RTN1: variants seen among roughly 807,000 people sequenced by gnomAD.
RTN1 encodes reticulon-1.
RTN1 carries 25 observed loss-of-function variants against 65.5 expected under a neutral mutation model. That is an observed-to-expected ratio of 0.38 (90% confidence interval 0.28 to 0.53). The LOEUF (loss-of-function observed/expected upper bound fraction) is 0.53. Among genes scored for constraint, RTN1 ranks in the 20% least tolerant of loss-of-function variants. The probability of loss-of-function intolerance (pLI) is 0.79; values close to 1 mark genes in which losing one functional copy is unlikely to be tolerated. For missense variants in RTN1, 983 were observed against 1,025.4 expected (o/e 0.96, Z 0.57); for synonymous variants, 471 against 447.6 (o/e 1.05, Z -0.66).
rs533448043 is a variant in RTN1 at position 59,658,641 on chromosome 14, G to A, written c.1766-51149C>T. On this transcript the variant is annotated intron_variant, in intron 3 of 8. Transcript: ENST00000267484. ...AAATTCCAGCAGACTTGCAGCAGAG[G>A]GGCCTGTTAGAAGGGAAGCTAACAA... Among the ~76,000 whole-genome samples, 10 of 152,282 alleles carry A rather than the reference G, an allele frequency of 6.6e-5. No individual in the cohort carries two copies. In the East Asian group the frequency reaches 1.4e-3, roughly 21 times the overall value.
intron 3 of RTN1, among the ~76,000 whole-genome samples, chr14:59,724,319 A>G (rs138833380): frequency 1.1e-3 from 175 of 152,336 alleles, no homozygotes; most frequent in African/African-American, 4.0e-3. Context: ...ACATGCAATG[A>G]TGCCATCAAA....
chr14:59,629,351 C>A (rs1566665975), intron 3 of RTN1, among the ~76,000 whole-genome samples: 1 of 152,080 alleles, frequency 6.6e-6, no homozygotes, highest in Non-Finnish European at 1.5e-5. Context: ...CGAAGCAAAA[C>A]CCTACAGAGG....
intron 2 of RTN1, among the ~76,000 whole-genome samples, chr14:59,728,182 GC>G (rs1884821113): frequency 2.0e-5 from 3 of 151,116 alleles, no homozygotes; most frequent in Admixed American, 1.3e-4. Context: ...GCAAGACAAA[GC>G]AGGTAGTTTT....
chr14:59,673,493 A>T (rs530087175), intron 3 of RTN1, among the ~76,000 whole-genome samples: 1 of 152,332 alleles, frequency 6.6e-6, no homozygotes, highest in Admixed American at 6.5e-5. Context: ...AAAGAATTTT[A>T]TTTAGCAACA....
chr14:59,651,703 A>G (rs933641451), intron 3 of RTN1, among the ~76,000 whole-genome samples: 2 of 151,984 alleles, frequency 1.3e-5, no homozygotes, highest in Admixed American at 6.6e-5. Context: ...GCACCACTGT[A>G]CTCCAGCCTG....
chr14:59,820,267 GCTT>G (rs907380055), intron 1 of RTN1, among the ~76,000 whole-genome samples: 1 of 148,266 alleles, frequency 6.7e-6, no homozygotes, highest in African/African-American at 2.5e-5. Flanking sequence ...ATTTGTTTAT[GCTT>G]CTTAGAGATT....
intron 1 of RTN1, among the ~76,000 whole-genome samples, chr14:59,820,040 C>T (rs1430187679): frequency 2.0e-5 from 3 of 152,352 alleles, no homozygotes; most frequent in Non-Finnish European, 2.9e-5. Context: ...CCAGAGTGGA[C>T]GCCAAGGCCG....
chr14:59,676,761 T>C (rs1883636614), intron 3 of RTN1, among the ~76,000 whole-genome samples: 3 of 152,196 alleles, frequency 2.0e-5, no homozygotes, highest in Admixed American at 1.3e-4. Context: ...GATGAAGCCC[T>C]AGCATATGCA....
chr14:59,673,720 G>A (rs1883561087), intron 3 of RTN1, among the ~76,000 whole-genome samples: 6 of 152,214 alleles, frequency 3.9e-5, no homozygotes, highest in Admixed American at 3.9e-4. Context: ...GGGTAAGATG[G>A]GCACAGAGGT....
intron 3 of RTN1, among the ~76,000 whole-genome samples, chr14:59,648,960 T>G (rs1284476078): frequency 6.6e-6 from 1 of 152,124 alleles, no homozygotes; most frequent in Non-Finnish European, 1.5e-5. Context: ...GAGAAAGAAA[T>G]AAATGGCATT....
chr14:59,805,149 A>G (rs1886615069), intron 1 of RTN1, among the ~76,000 whole-genome samples: 1 of 152,172 alleles, frequency 6.6e-6, no homozygotes, highest in African/African-American at 2.4e-5. Flanking sequence ...GTCTCTCTTC[A>G]AAAGCTCCTT....
rs79199528 is a variant in RTN1, at chr14:59,867,457, T to C, written c.241+2933A>G. 9.8e-5 allele frequency among the ~76,000 whole-genome samples: 15 copies of C among 152,326 alleles called. No individual in the cohort carries two copies. The East Asian group carries it at 2.1e-3, about 22-fold the overall frequency. On this transcript the variant is annotated intron_variant, in intron 1 of 8. Coordinates refer to ENST00000267484, the MANE Select transcript of RTN1 (RefSeq NM_021136.3). ...ATGAAGTTGTAACTTTAGAAGACAG[T>C]GTTATTTTGATGAGACTATTTCCAC...
chr14:59,663,413 T>C (rs1487977825), intron 3 of RTN1, among the ~76,000 whole-genome samples: 3 of 152,104 alleles, frequency 2.0e-5, no homozygotes, highest in East Asian at 1.9e-4. Flanking sequence ...ATTCAGGACA[T>C]AGGCATGGGC....
At chr14:59,804,995 A>G (rs1276547416) in intron 1 of RTN1, among the ~76,000 whole-genome samples, 3 of 152,232 alleles carry the variant, frequency 2.0e-5, no homozygotes, top group Non-Finnish European at 1.5e-5. Flanking sequence ...GTCTTCACAA[A>G]GAGAAGGCAA....
chr14:59,854,157 C>A (rs767345110), intron 1 of RTN1, among the ~76,000 whole-genome samples: 9 of 152,050 alleles, frequency 5.9e-5, no homozygotes, highest in African/African-American at 9.7e-5. Context: ...CCACACCCAG[C>A]CAAACTTTTT....
At chr14:59,775,806 T>G (rs1337364125) in intron 1 of RTN1, among the ~76,000 whole-genome samples, 1 of 152,198 alleles carries the variant, frequency 6.6e-6, no homozygotes, top group Non-Finnish European at 1.5e-5. Context: ...ACTGGTCATC[T>G]GATTTGTTAA....
At chr14:59,723,041 A>G (rs1260993779) in intron 3 of RTN1, among the ~76,000 whole-genome samples, 1 of 152,034 alleles carries the variant, frequency 6.6e-6, no homozygotes, top group Non-Finnish European at 1.5e-5. Flanking sequence ...CAAGTGATTC[A>G]CCAGCCTTGG....
intron 3 of RTN1, among the ~76,000 whole-genome samples, chr14:59,614,646 C>T (rs192268406): frequency 9.9e-5 from 15 of 152,138 alleles, no homozygotes; most frequent in African/African-American, 3.6e-4. Context: ...GCTTTAAGGT[C>T]AAGCTGTTTC....
chr14:59,781,506 C>T (rs918059916), intron 1 of RTN1, among the ~76,000 whole-genome samples: 8 of 152,062 alleles, frequency 5.3e-5, no homozygotes, highest in African/African-American at 1.4e-4. Flanking sequence ...ATATAATTCT[C>T]AGTGTCTGCT....
Sources: allele counts gnomAD v4.1 joint callset (sites outside exome capture counted in the v4.1 genomes callset), GRCh38; gene constraint gnomAD v4.1.1; transcripts MANE v1.5; gene names NCBI Gene and HGNC (gene_info 2026-07-23, HGNC 2026-07-21).